Variants in TNFRSF11B observed in about 807,000 individuals in gnomAD.
TNFRSF11B encodes the protein tumor necrosis factor receptor superfamily member 11B.
Under a neutral mutation model 43.4 loss-of-function variants are expected in TNFRSF11B, and 16 were observed. The ratio of observed to expected loss-of-function variants is 0.37; its 90% CI spans 0.25 to 0.56. The LOEUF is 0.56. TNFRSF11B is among the 20% of genes least tolerant of loss of function. The pLI, the probability that TNFRSF11B is intolerant of heterozygous loss-of-function variation, is 0.80. For synonymous variants in TNFRSF11B, 185 were observed against 181.8 expected (o/e 1.02, Z -0.14); for missense variants, 444 against 490.1 (o/e 0.91, Z 0.89).
At position 118,951,824 on chromosome 8, in the gene TNFRSF11B, T is replaced by C. The variant is rs1398185824; in HGVS notation, c.-3A>G. 3 of 1,590,000 alleles carry C rather than the reference T, an allele frequency of 1.9e-6. No homozygotes were observed. The highest frequency in any genetic ancestry group is 1.7e-4 in the Middle Eastern group (1 of 6,036). On this transcript the variant is annotated 5_prime_UTR_variant, in exon 1 of 5. Coordinates refer to ENST00000297350, the MANE Select transcript of TNFRSF11B (RefSeq NM_002546.4). Reference sequence around the variant, plus strand: ...GCGCAGCACAGCAAGTTGTTCATTGTGGTCCCCGGAAACCTCAGGGGCTTG... The same window carrying C: ...GCGCAGCACAGCAAGTTGTTCATTGCGGTCCCCGGAAACCTCAGGGGCTTG...
rs550681267 is a variant in TNFRSF11B at position 118,928,788 on chromosome 8, T to C, written c.542A>G (p.His181Arg). Residue 181 changes from histidine to arginine, a missense_variant, in exon 3 of 5, where the codon CAC becomes CGC. His to Arg is a conservative substitution (Grantham distance 29). Transcript: ENST00000297350. Reference protein sequence around the residue: ...LLLTQKGNATHDNICSGNSES... With the variant: ...LLLTQKGNATRDNICSGNSES... ...ACTGTTTCCGGAACATATGTTGTCG[T>C]GTGTTGCATTTCCTTTCTGAGTTAG... The C allele has an allele frequency of 1.1e-5, 17 of 1,614,224 alleles. No individual in the cohort carries two copies. Among genetic ancestry groups the C allele is most frequent in the Non-Finnish European group, 1.4e-5 (16 of 1,180,044 alleles).
chr8:118,938,374 ACC>A (rs1289029372), intron 1 of TNFRSF11B, among the ~76,000 whole-genome samples: 1 of 152,192 alleles, frequency 6.6e-6, no homozygotes. Flanking sequence ...TTTGGTTTAT[ACC>A]TACTTAGAAT....
chr8:118,938,323 T>A (rs1563691903), intron 1 of TNFRSF11B, among the ~76,000 whole-genome samples: 2 of 152,124 alleles, frequency 1.3e-5, no homozygotes, highest in African/African-American at 2.4e-5. Context: ...TTAAAGCAAC[T>A]CTGTGCCAGA....
intron 1 of TNFRSF11B, among the ~76,000 whole-genome samples, chr8:118,948,538 C>T (rs530313070): frequency 2.6e-5 from 4 of 152,162 alleles, no homozygotes; most frequent in East Asian, 3.9e-4. Flanking sequence ...TAGAACTAAC[C>T]GGATAAACCA....
intron 4 of TNFRSF11B, 81 bp from the exon 5 acceptor site, chr8:118,924,843 A>G: frequency 6.4e-7 from 1 of 1,553,414 alleles, no homozygotes. Flanking sequence ...GTGAGGCAAA[A>G]GGTTCTTGCA....
intron 1 of TNFRSF11B, among the ~76,000 whole-genome samples, chr8:118,946,972 C>T (rs1280844204): frequency 1.3e-5 from 2 of 152,184 alleles, no homozygotes; most frequent in East Asian, 3.8e-4. Flanking sequence ...AGATAGCACA[C>T]AGTCCCAACT....
chr8:118,943,510 G>A (rs913727567), intron 1 of TNFRSF11B, among the ~76,000 whole-genome samples: 1 of 152,034 alleles, frequency 6.6e-6, no homozygotes, highest in African/African-American at 2.4e-5. Context: ...ACTGGACTCA[G>A]CTAATAGATA....
At chr8:118,951,016 A>C (rs1035791988) in intron 1 of TNFRSF11B, among the ~76,000 whole-genome samples, 1 of 152,222 alleles carries the variant, frequency 6.6e-6, no homozygotes, top group Non-Finnish European at 1.5e-5. Context: ...AAAAACCTAC[A>C]TGCAAATCTT....
At chr8:118,938,272 C>T (rs1293707364) in intron 1 of TNFRSF11B, among the ~76,000 whole-genome samples, 1 of 152,114 alleles carries the variant, frequency 6.6e-6, no homozygotes, top group Admixed American at 6.5e-5. Context: ...TGAGCCACCA[C>T]ACCTGACCTG....
At chr8:118,935,376 T>C (rs546695164) in intron 1 of TNFRSF11B, among the ~76,000 whole-genome samples, 2 of 152,328 alleles carry the variant, frequency 1.3e-5, no homozygotes, top group Admixed American at 1.3e-4. Flanking sequence ...GAACTTAGCA[T>C]GTGGCATACA....
At chr8:118,946,269 A>AG (rs1491161605) in intron 1 of TNFRSF11B, among the ~76,000 whole-genome samples, 1 of 152,146 alleles carries the variant, frequency 6.6e-6, no homozygotes, top group Non-Finnish European at 1.5e-5. Flanking sequence ...TTCTAGCCTC[A>AG]GAACGTTCAT....
chr8:118,930,701 CGTGCCG>C, intron 2 of TNFRSF11B: 1 of 442,668 alleles, frequency 2.3e-6, no homozygotes. Context: ...TGTGAGCCAC[CGTGCCG>C]GGCCTAAGAA....
At chr8:118,933,949 A>G (rs1342303691) in intron 1 of TNFRSF11B, among the ~76,000 whole-genome samples, 1 of 152,220 alleles carries the variant, frequency 6.6e-6, no homozygotes, top group Non-Finnish European at 1.5e-5. Context: ...AGTTAATCCA[A>G]TTAGAGGAGT....
intron 4 of TNFRSF11B, among the ~76,000 whole-genome samples, chr8:118,926,180 C>A (rs548469075): frequency 6.6e-6 from 1 of 152,224 alleles, no homozygotes; most frequent in South Asian, 2.1e-4. Flanking sequence ...AGAGGGGCTG[C>A]TTACAGAAGC....
rs1812209630 is a variant in TNFRSF11B at position 118,923,632 on chromosome 8, T to C, written c.*742A>G. 1 of 152,634 alleles carries C rather than the reference T, an allele frequency of 6.6e-6. No individual in the cohort carries two copies. The highest frequency in any genetic ancestry group is 6.5e-5 in the Admixed American group (1 of 15,290). The allele number at this position is 152,634 out of a possible 1,614,324, so 9.5% of individuals were successfully genotyped here. Reference sequence around the variant, plus strand: ...CATAAAATCTTTTAAATAAGGTACATTCAATTTCTCAGAGCATCTAATATT... The same window carrying C: ...CATAAAATCTTTTAAATAAGGTACACTCAATTTCTCAGAGCATCTAATATT... On this transcript the variant is annotated 3_prime_UTR_variant, in exon 5 of 5. Transcript: ENST00000297350.
At chr8:118,929,188 G>A in intron 2 of TNFRSF11B, 2 of 504,884 alleles carry the variant, frequency 4.0e-6, no homozygotes, top group Non-Finnish European at 7.2e-6. Flanking sequence ...TGAAATGTGA[G>A]AGGAAAGGAA....
intron 1 of TNFRSF11B, among the ~76,000 whole-genome samples, chr8:118,948,889 C>G (rs558962281): frequency 1.3e-5 from 2 of 152,222 alleles, no homozygotes; most frequent in South Asian, 4.2e-4. Context: ...GGAAAACAGA[C>G]AGACCAGACA....
intron 1 of TNFRSF11B, among the ~76,000 whole-genome samples, chr8:118,947,747 G>A (rs746683176): frequency 6.6e-6 from 1 of 152,114 alleles, no homozygotes; most frequent in Admixed American, 6.5e-5. Context: ...AATTTGTTCT[G>A]TTTAAAACTC....
intron 1 of TNFRSF11B, among the ~76,000 whole-genome samples, chr8:118,945,445 T>A (rs536114718): frequency 6.6e-6 from 1 of 152,190 alleles, no homozygotes; most frequent in Admixed American, 6.5e-5. Flanking sequence ...GAACCTGGCT[T>A]TTAACTAAGT....
Sources: allele counts gnomAD v4.1 joint callset (sites outside exome capture counted in the v4.1 genomes callset), GRCh38; gene constraint gnomAD v4.1.1; transcripts MANE v1.5; gene names NCBI Gene and HGNC (gene_info 2026-07-23, HGNC 2026-07-21).